The following C3orf18 variants were observed in gnomAD, a reference collection of about 807,000 sequenced individuals.
C3orf18 encodes chromosome 3 open reading frame 18.
A neutral mutation model predicts 14.1 loss-of-function variants in C3orf18; 12 were observed. The observed-to-expected ratio is 0.85, with a 90% CI of 0.55 to 1.38. C3orf18 has a LOEUF of 1.38. Ranked by LOEUF, C3orf18 falls within the 40% of genes most tolerant of loss-of-function variation. The pLI is 0.00. For synonymous variants in C3orf18, 82 were observed against 87.9 expected (o/e 0.93, Z 0.38); for missense variants, 196 against 213.9 (o/e 0.92, Z 0.52).
rs1699789654 is a variant in C3orf18, at chr3:50,558,640, G to A, written c.*1017C>T. 2.4e-6 allele frequency: 3 copies of A among 1,239,712 alleles called. No individual in the cohort carries two copies. Among genetic ancestry groups the A allele is most frequent in the Non-Finnish European group, 3.1e-6 (3 of 957,260 alleles). 76.8% of individuals were successfully genotyped at this position (1,239,712 alleles called of 1,614,324 possible). A position where few individuals can be genotyped will look rare whatever the true frequency, so the allele number is the denominator to read the frequency against. On this transcript the variant is annotated 3_prime_UTR_variant, in exon 6 of 6. Transcript: ENST00000357203. ...TGTGATTACTGCCCTCAGACCAACAGCCTCTCCCAACCCCAGATCCTCATT... is the reference window on the plus strand; with the variant it reads ...TGTGATTACTGCCCTCAGACCAACAACCTCTCCCAACCCCAGATCCTCATT...
upstream of C3orf18, chr3:50,570,988 C>T: frequency 4.2e-6 from 3 of 718,164 alleles, no homozygotes; most frequent in Non-Finnish European, 6.7e-6. Context: ...GAGCTTGTGA[C>T]CTCTCCATCT....
chr3:50,571,209 G>C (rs1700912643), upstream of C3orf18: 2 of 1,613,950 alleles, frequency 1.2e-6, no homozygotes, highest in East Asian at 4.5e-5. Context: ...AACCACCTCT[G>C]GCTGGGTTAT....
chr3:50,560,911 G>A lies in C3orf18; in HGVS notation c.408+6C>T. ...AGGCGGGGTGGGGAGCCTGGTCAGT[G>A]CCCACCTTGCCCTGCATGGCCTGCA... On this transcript the variant is annotated splice_donor_region_variant and intron_variant, in intron 5 of 5. Transcript: ENST00000357203. 1 of 1,604,854 alleles carries A rather than the reference G, an allele frequency of 6.2e-7. No homozygotes were observed. Among genetic ancestry groups the A allele is most frequent in the African/African-American group, 1.3e-5 (1 of 74,914 alleles).
At chr3:50,568,682 G>C (rs1700542440), upstream of C3orf18, among the ~76,000 whole-genome samples, 3 of 142,570 alleles carry the variant, frequency 2.1e-5, no homozygotes, top group Admixed American at 2.2e-4. Flanking sequence ...CAGAGATCGC[G>C]CCATTGTACT....
chr3:50,562,039 A>T (rs1700007659), intron 3 of C3orf18: 4 of 578,758 alleles, frequency 6.9e-6, no homozygotes, highest in Non-Finnish European at 1.2e-5. Flanking sequence ...AGCTAGGATT[A>T]CAGGTGTGCA....
intron 3 of C3orf18, chr3:50,562,531 G>A (rs1195066235): frequency 4.4e-6 from 2 of 455,116 alleles, no homozygotes; most frequent in South Asian, 1.6e-5. Context: ...TGAGGCAGGA[G>A]GATCTCTTGA....
At chr3:50,564,599 T>A (rs1330837385) in intron 3 of C3orf18, among the ~76,000 whole-genome samples, 1 of 152,204 alleles carries the variant, frequency 6.6e-6, no homozygotes, top group Non-Finnish European at 1.5e-5. Context: ...CTTGGAACCC[T>A]TGGTTTTTAT....
chr3:50,559,752 G>T lies in C3orf18; in HGVS notation c.409-15C>A. 1 of 1,549,754 alleles carries T rather than the reference G, an allele frequency of 6.5e-7. No homozygotes were observed. Among genetic ancestry groups the T allele is most frequent in the Non-Finnish European group, 8.8e-7 (1 of 1,141,810 alleles). On this transcript the variant is annotated splice_polypyrimidine_tract_variant and intron_variant, in intron 5 of 5. Transcript: ENST00000357203. ...GGCAGAGTAGTCTGCAGGAAGACAG[G>T]CAGGGGCATCAGAGACCATGGGCAA...
At chr3:50,568,346 T>C (rs1387711174), upstream of C3orf18, among the ~76,000 whole-genome samples, 1 of 152,044 alleles carries the variant, frequency 6.6e-6, no homozygotes, top group Non-Finnish European at 1.5e-5. Flanking sequence ...TTCAAAGTAG[T>C]TTATGGGAGT....
intron 5 of C3orf18, among the ~76,000 whole-genome samples, chr3:50,560,092 G>C (rs1699874185): frequency 6.6e-6 from 1 of 152,238 alleles, no homozygotes; most frequent in African/African-American, 2.4e-5. Context: ...AGTCCCAGTG[G>C]CTGGGTGGAC....
chr3:50,559,386 G>A lies in C3orf18; in HGVS notation c.*271C>T. ...TGGACAGGGGATGAGGAAGCCAGCA[G>A]AGGCTCTTGACCTTCTCAGCATGAG... On this transcript the variant is annotated 3_prime_UTR_variant, in exon 6 of 6. Transcript: ENST00000357203. The A allele has an allele frequency of 7.4e-7, 1 of 1,352,132 alleles. No homozygotes were observed. Among genetic ancestry groups the A allele is most frequent in the Non-Finnish European group, 9.5e-7 (1 of 1,047,944 alleles). The allele number at this position is 1,352,132 out of a possible 1,614,324, so 83.8% of individuals were successfully genotyped here. A position where few individuals can be genotyped will look rare whatever the true frequency, so the allele number is the denominator to read the frequency against.
Position 50,565,448 on chromosome 3 carries a change from GCCTA to G in C3orf18, c.234+14_234+17del. On this transcript the variant is annotated intron_variant, in intron 3 of 5. Transcript: ENST00000357203. The surrounding 1 kb of genome is among the most constrained non-coding windows in gnomAD (Gnocchi z 4.4). ...TCTAAACACTGATTATCCTCCCCCAGCCTACCCCAGCTCTCACCAAGGCCACAGC... is the reference window on the plus strand; with the variant it reads ...TCTAAACACTGATTATCCTCCCCCAGCCCCAGCTCTCACCAAGGCCACAGC... 6.4e-7 allele frequency: 1 copy of G among 1,570,352 alleles called. No homozygotes were observed.
upstream of C3orf18, chr3:50,571,880 G>A (rs976961379): frequency 2.5e-5 from 37 of 1,470,416 alleles, no homozygotes; most frequent in Admixed American, 6.0e-4. Flanking sequence ...CCAAGTTCAG[G>A]GAGGAGGAGA....
In C3orf18 at chr3:50,559,576, G is replaced by C. The variant is rs1699839037; in HGVS notation, c.*81C>G. ...CTTGGCAGGGAAGATCTTCAGAGTA[G>C]GTCTTGACAATCAGGGAGTGGGGAG... On this transcript the variant is annotated 3_prime_UTR_variant, in exon 6 of 6. Coordinates refer to ENST00000357203, the MANE Select transcript of C3orf18 (RefSeq NM_016210.5). 6.8e-7 allele frequency: 1 copy of C among 1,462,678 alleles called. No individual in the cohort carries two copies. The highest frequency in any genetic ancestry group is 2.5e-5 in the Admixed American group (1 of 40,140). 90.6% of individuals were successfully genotyped at this position (1,462,678 alleles called of 1,614,324 possible).
Position 50,558,791 on chromosome 3 carries a change from G to T in C3orf18, c.*866C>A, listed in dbSNP as rs1389280125. On this transcript the variant is annotated 3_prime_UTR_variant, in exon 6 of 6. Coordinates refer to ENST00000357203, the MANE Select transcript of C3orf18 (RefSeq NM_016210.5). ...GTCCCTGAAGATTGAAGGCAGAGAA[G>T]ATAGCCTACCCTGATGCTCCACTAC... The T allele has an allele frequency of 1.6e-6, 2 of 1,289,738 alleles. No homozygotes were observed. The highest frequency in any genetic ancestry group is 2.0e-6 in the Non-Finnish European group (2 of 988,884). The allele number at this position is 1,289,738 out of a possible 1,614,324, so 79.9% of individuals were successfully genotyped here.
chr3:50,572,256 C>T, upstream of C3orf18: 4 of 1,572,148 alleles, frequency 2.5e-6, no homozygotes, highest in Non-Finnish European at 3.5e-6. Flanking sequence ...TGGTGGAGTT[C>T]AGGGCACCAG....
At position 50,560,983 on chromosome 3, in the gene C3orf18, C is replaced by T. The variant is rs2107264966; in HGVS notation, c.342G>A (p.Leu114=). ...TEEQDELEQE[L]LEHGRDAASV... is the part of the protein sequence containing the mutation. Reference sequence around the variant, plus strand: ...AGGCGGCGTCCCGCCCATGCTCCAGCAGCTCCTGCTCCAACTCATCTTGTT... The same window carrying T: ...AGGCGGCGTCCCGCCCATGCTCCAGTAGCTCCTGCTCCAACTCATCTTGTT... The change falls in exon 5 of 6, where the codon CTG becomes CTA. Residue 114 remains leucine (L), a synonymous_variant. Coordinates refer to ENST00000357203, the MANE Select transcript of C3orf18 (RefSeq NM_016210.5). The T allele has an allele frequency of 6.2e-7, 1 of 1,614,182 alleles. No individual in the cohort carries two copies. Among genetic ancestry groups the T allele is most frequent in the East Asian group, 2.2e-5 (1 of 44,882 alleles).
upstream of C3orf18, chr3:50,571,324 G>A: frequency 6.3e-7 from 1 of 1,588,434 alleles, no homozygotes; most frequent in Non-Finnish European, 8.6e-7. Flanking sequence ...TGTCCTTGGA[G>A]CCAAAACAGT....
intron 3 of C3orf18, among the ~76,000 whole-genome samples, chr3:50,562,827 G>C (rs1701456562): frequency 6.6e-6 from 1 of 152,198 alleles, no homozygotes; most frequent in Non-Finnish European, 1.5e-5. Flanking sequence ...GTCCCCCATT[G>C]TACAACCTTG....
Sources: allele counts gnomAD v4.1 joint callset (sites outside exome capture counted in the v4.1 genomes callset), GRCh38; gene constraint gnomAD v4.1.1; non-coding constraint Gnocchi (gnomAD v3.1); transcripts MANE v1.5; gene names NCBI Gene and HGNC (gene_info 2026-07-23, HGNC 2026-07-21).